SCFD2: variants seen among roughly 807,000 people sequenced by gnomAD.
The protein encoded by SCFD2 is sec1 family domain-containing protein 2.
A neutral mutation model predicts 58.9 loss-of-function variants in SCFD2; 54 were observed. The ratio of observed to expected loss-of-function variants is 0.92; its 90% CI spans 0.74 to 1.15. The LOEUF is 1.15. SCFD2 is among the 50% of genes most tolerant of loss of function. The probability of loss-of-function intolerance (pLI) is 0.00; values close to 1 mark genes in which losing one functional copy is unlikely to be tolerated. For synonymous variants in SCFD2, 321 were observed against 335.9 expected, an observed-to-expected ratio of 0.96 and a Z score of 0.49; for missense variants, 805 against 836.6, an observed-to-expected ratio of 0.96 and a Z score of 0.47.
At chr4:53,058,347 A>T (rs1350942074) in intron 5 of SCFD2, among the ~76,000 whole-genome samples, 2 of 152,172 alleles carry the variant, frequency 1.3e-5, no homozygotes, top group Non-Finnish European at 2.9e-5. Context: ...TTAGTAAAAC[A>T]AAAGTATGTT....
At chr4:52,928,135 GA>G (rs567677007) in intron 5 of SCFD2, among the ~76,000 whole-genome samples, 63 of 152,182 alleles carry the variant, frequency 4.1e-4, no homozygotes, top group African/African-American at 1.5e-3. Context: ...AGGAGTTTGA[GA>G]CCAGCCTGGG....
intron 4 of SCFD2, among the ~76,000 whole-genome samples, chr4:53,267,228 G>C (rs910060068): frequency 1.3e-5 from 2 of 152,112 alleles, no homozygotes; most frequent in African/African-American, 4.8e-5. Flanking sequence ...CTCAACATTA[G>C]CTGAAATTTC....
At chr4:53,166,946 G>A (rs1488294655) in intron 4 of SCFD2, among the ~76,000 whole-genome samples, 4 of 152,058 alleles carry the variant, frequency 2.6e-5, no homozygotes, top group Non-Finnish European at 5.9e-5. Context: ...GTGAATAGGA[G>A]GGATAGAGGA....
rs1446798694 is a variant in SCFD2 at position 52,873,873 on chromosome 4, G to A, written c.*96C>T. 7.3e-6 allele frequency: 6 copies of A among 819,080 alleles called. No individual in the cohort carries two copies. The highest frequency in any genetic ancestry group is 3.1e-5 in the South Asian group (2 of 65,546). 50.7% of individuals were successfully genotyped at this position (819,080 alleles called of 1,614,324 possible). ...GAATTCCATCATTCTCGCAATTAGT[G>A]ACAGGGACGCTGGTTGTGGAGGAGT... On this transcript the variant is annotated 3_prime_UTR_variant, in exon 9 of 9. Transcript: ENST00000401642.
chr4:53,221,535 T>G (rs1729047057), intron 4 of SCFD2, among the ~76,000 whole-genome samples: 1 of 152,240 alleles, frequency 6.6e-6, no homozygotes, highest in Non-Finnish European at 1.5e-5. Flanking sequence ...TTTGGAATGA[T>G]GCCTCCCCAT....
chr4:52,913,787 G>T (rs1157733824), intron 6 of SCFD2, among the ~76,000 whole-genome samples: 1 of 152,194 alleles, frequency 6.6e-6, no homozygotes, highest in Non-Finnish European at 1.5e-5. Context: ...AGCAGATGAT[G>T]AATGAGAGAG....
rs543820410 is a variant in SCFD2, at chr4:53,335,661, G to A, written c.1007+16937C>T. ...TTACTCTCAAATGTTTCAGGTGAGGGGAAAGTTTCTTACACTATTTCTGAA... is the reference window on the plus strand; with the variant it reads ...TTACTCTCAAATGTTTCAGGTGAGGAGAAAGTTTCTTACACTATTTCTGAA... On this transcript the variant is annotated intron_variant, in intron 2 of 8. Transcript: ENST00000401642. 2.0e-5 allele frequency among the ~76,000 whole-genome samples: 3 copies of A among 152,066 alleles called. No homozygotes were observed. In the East Asian group the frequency reaches 5.8e-4, roughly 29 times the overall value.
chr4:53,193,264 C>G lies in SCFD2; in HGVS notation c.1312-47682G>C, dbSNP rs538963687. Among the ~76,000 whole-genome samples, 6 of 152,182 alleles carry G rather than the reference C, an allele frequency of 3.9e-5. No individual in the cohort carries two copies. In the South Asian group the frequency reaches 1.2e-3, roughly 32 times the overall value. On this transcript the variant is annotated intron_variant, in intron 4 of 8. Coordinates refer to ENST00000401642, the MANE Select transcript of SCFD2 (RefSeq NM_152540.4). ...AATGTATGTAATGAACTAAGATTAC[C>G]ACTACCTCCAAGGAGAATGTAACAG...
At chr4:52,875,115 G>A (rs566779750) in intron 8 of SCFD2, among the ~76,000 whole-genome samples, 1 of 152,328 alleles carries the variant, frequency 6.6e-6, no homozygotes, top group East Asian at 1.9e-4. Context: ...GTCAGCGGCT[G>A]AGTCAGGATC....
intron 5 of SCFD2, among the ~76,000 whole-genome samples, chr4:52,937,641 T>C (rs558948535): frequency 2.6e-5 from 4 of 152,268 alleles, no homozygotes; most frequent in African/African-American, 9.6e-5. Context: ...AGGAGGAAGC[T>C]ATAGCATGGC....
chr4:53,340,171 A>G (rs574018157), intron 2 of SCFD2, among the ~76,000 whole-genome samples: 1 of 152,214 alleles, frequency 6.6e-6, no homozygotes, highest in South Asian at 2.1e-4. Flanking sequence ...GTGAGGCATC[A>G]CCTTACCTGG....
chr4:52,992,368 G>C (rs555916463), intron 5 of SCFD2, among the ~76,000 whole-genome samples: 1 of 152,156 alleles, frequency 6.6e-6, no homozygotes, highest in Non-Finnish European at 1.5e-5. Context: ...GCGTGATCTC[G>C]GCTCGCTACA....
rs1222685681 is a variant in SCFD2 at position 52,873,882 on chromosome 4, G to A, written c.*87C>T. 28 of 893,300 alleles carry A rather than the reference G, an allele frequency of 3.1e-5. No individual in the cohort carries two copies. The highest frequency in any genetic ancestry group is 2.2e-4 in the Middle Eastern group (1 of 4,446). 55.3% of individuals were successfully genotyped at this position (893,300 alleles called of 1,614,324 possible). On this transcript the variant is annotated 3_prime_UTR_variant, in exon 9 of 9. Transcript: ENST00000401642. ...CATTCTCGCAATTAGTGACAGGGAC[G>A]CTGGTTGTGGAGGAGTATTTGGAGT...
chr4:53,255,171 A>G lies in SCFD2; in HGVS notation c.1311+18655T>C, dbSNP rs575466934. Among the ~76,000 whole-genome samples the G allele has an allele frequency of 1.3e-4, 19 of 147,470 alleles. No homozygotes were observed. In the South Asian group the frequency reaches 4.1e-3, roughly 32 times the overall value. On this transcript the variant is annotated intron_variant, in intron 4 of 8. Coordinates refer to ENST00000401642, the MANE Select transcript of SCFD2 (RefSeq NM_152540.4). ...CAGGTGTGAGCCACTGCACCCAGCAAATACTTCCTATTCTTTTTTTTTCTT... is the reference window on the plus strand; with the variant it reads ...CAGGTGTGAGCCACTGCACCCAGCAGATACTTCCTATTCTTTTTTTTTCTT...
intron 5 of SCFD2, among the ~76,000 whole-genome samples, chr4:52,994,354 G>A (rs1011251970): frequency 2.0e-5 from 3 of 152,172 alleles, no homozygotes; most frequent in Non-Finnish European, 2.9e-5. Flanking sequence ...GAAAGAGCAC[G>A]GGACTTGGTG....
intron 4 of SCFD2, among the ~76,000 whole-genome samples, chr4:53,210,493 A>G (rs1357722749): frequency 2.0e-5 from 3 of 152,136 alleles, no homozygotes; most frequent in African/African-American, 7.2e-5. Flanking sequence ...ATACGACAAC[A>G]GATTGAATGC....
At chr4:53,054,528 A>C (rs936122592) in intron 5 of SCFD2, among the ~76,000 whole-genome samples, 1 of 152,200 alleles carries the variant, frequency 6.6e-6, no homozygotes, top group Non-Finnish European at 1.5e-5. Flanking sequence ...AGCAAAGAAC[A>C]AGAGGACATT....
intron 5 of SCFD2, among the ~76,000 whole-genome samples, chr4:53,069,530 T>C (rs1723758205): frequency 6.6e-6 from 1 of 152,008 alleles, no homozygotes; most frequent in Non-Finnish European, 1.5e-5. Context: ...GGTATACAAT[T>C]TTACTTTCGA....
At chr4:53,059,614 CTT>C (rs11321478) in intron 5 of SCFD2, among the ~76,000 whole-genome samples, 1 of 149,206 alleles carries the variant, frequency 6.7e-6, no homozygotes, top group East Asian at 2.0e-4. Context: ...TCTCCTTTCT[CTT>C]TTTTTTTTTC....
Sources: allele counts gnomAD v4.1 joint callset (sites outside exome capture counted in the v4.1 genomes callset), GRCh38; gene constraint gnomAD v4.1.1; transcripts MANE v1.5; gene names NCBI Gene and HGNC (gene_info 2026-07-23, HGNC 2026-07-21).